Variants in FOXP1 observed in about 807,000 individuals in gnomAD.
The protein encoded by FOXP1 is forkhead box P1.
A neutral mutation model predicts 98.2 loss-of-function variants in FOXP1; 15 were observed. The observed-to-expected ratio is 0.15, with a 90% CI of 0.10 to 0.24. The LOEUF is 0.24. Ranked by LOEUF, FOXP1 falls within the 10% of genes least tolerant of loss-of-function variation. FOXP1 has a pLI of 1.00. For synonymous variants in FOXP1, 371 were observed against 314.5 expected (o/e 1.18, Z -1.90); for missense variants, 633 against 848.5 (o/e 0.75, Z 3.15).
intron 17 of FOXP1, 48 bp from the exon 18 acceptor site, chr3:70,972,724 G>A (rs946273307): frequency 6.2e-7 from 1 of 1,602,028 alleles, no homozygotes; most frequent in Non-Finnish European, 8.5e-7. Context: ...TATAAGAAAA[G>A]ACTCCAAAAA....
At chr3:71,510,801 G>C (rs1022931722) in intron 2 of FOXP1, among the ~76,000 whole-genome samples, 1 of 152,184 alleles carries the variant, frequency 6.6e-6, no homozygotes, top group Non-Finnish European at 1.5e-5. Context: ...CCCAATCTGG[G>C]CTCATAAACA....
At chr3:71,350,856 C>T (rs1479035205) in intron 4 of FOXP1, among the ~76,000 whole-genome samples, 1 of 152,166 alleles carries the variant, frequency 6.6e-6, no homozygotes, top group Non-Finnish European at 1.5e-5. Flanking sequence ...AACCAGCACT[C>T]TTTTCACCTA....
intron 9 of FOXP1, 89 bp downstream of exon 9, chr3:71,052,448 A>T (rs2050034514): frequency 2.4e-6 from 2 of 824,164 alleles, no homozygotes; most frequent in Non-Finnish European, 2.2e-6. Flanking sequence ...TCAGTTGTGC[A>T]ATCATTTAAA....
intron 7 of FOXP1, among the ~76,000 whole-genome samples, chr3:71,110,454 T>C (rs916594259): frequency 6.6e-6 from 1 of 152,124 alleles, no homozygotes; most frequent in Non-Finnish European, 1.5e-5. Flanking sequence ...GCCTGATGAA[T>C]TCAAGAGGAC....
At chr3:71,403,166 G>T (rs1159225282) in intron 3 of FOXP1, among the ~76,000 whole-genome samples, 1 of 152,194 alleles carries the variant, frequency 6.6e-6, no homozygotes, top group African/African-American at 2.4e-5. Context: ...AGTGAAGCTG[G>T]ATCTTCTCCA....
intron 17 of FOXP1, among the ~76,000 whole-genome samples, chr3:70,976,174 G>GGAGT (rs138052367): frequency 0.026 from 3,960 of 151,310 alleles, 145 homozygotes; most frequent in African/African-American, 0.089. Flanking sequence ...CTCTGCCTCT[G>GGAGT]GAGTAGCTGT....
At chr3:71,533,315 C>T (rs995414537) in intron 2 of FOXP1, among the ~76,000 whole-genome samples, 4 of 152,182 alleles carry the variant, frequency 2.6e-5, no homozygotes, top group African/African-American at 9.7e-5. Context: ...CTTTCCTCCA[C>T]CTTCTCAGCC....
chr3:71,034,072 G>C (rs1273162056), intron 11 of FOXP1, among the ~76,000 whole-genome samples: 1 of 152,140 alleles, frequency 6.6e-6, no homozygotes, highest in Admixed American at 6.5e-5. Context: ...GACATGCCCA[G>C]CACGCCCTCT....
chr3:71,380,842 A>G (rs1022404858), intron 3 of FOXP1, among the ~76,000 whole-genome samples: 24 of 151,774 alleles, frequency 1.6e-4, no homozygotes, highest in African/African-American at 5.3e-4. Flanking sequence ...TGGTTCTGCT[A>G]ACAACAATTT....
chr3:71,006,137 T>TG (rs2042778720), intron 12 of FOXP1, among the ~76,000 whole-genome samples: 1 of 152,292 alleles, frequency 6.6e-6, no homozygotes, highest in African/African-American at 2.4e-5. Context: ...GACACTTCTC[T>TG]GTTTCTCTTG....
intron 6 of FOXP1, among the ~76,000 whole-genome samples, chr3:71,146,634 A>G (rs2060321102): frequency 6.6e-6 from 1 of 152,208 alleles, no homozygotes; most frequent in African/African-American, 2.4e-5. Context: ...AACCTTCACT[A>G]TACTTTACAA....
At chr3:71,117,860 C>G (rs949613231) in intron 6 of FOXP1, among the ~76,000 whole-genome samples, 75 of 152,240 alleles carry the variant, frequency 4.9e-4, no homozygotes, top group African/African-American at 1.8e-3. Flanking sequence ...AGTAAAGACA[C>G]AGTTTGAGGA....
chr3:71,371,386 A>C (rs1183247497), intron 3 of FOXP1, among the ~76,000 whole-genome samples: 1 of 152,002 alleles, frequency 6.6e-6, no homozygotes, highest in Non-Finnish European at 1.5e-5. Flanking sequence ...AAAGAAGCCT[A>C]CTCTCAAGAA....
intron 3 of FOXP1, among the ~76,000 whole-genome samples, chr3:71,456,460 A>G (rs1179208658): frequency 6.6e-6 from 1 of 152,150 alleles, no homozygotes; most frequent in African/African-American, 2.4e-5. Flanking sequence ...TTTCATATAC[A>G]TATTGTCAAC....
At chr3:71,230,077 T>A (rs971096051) in intron 5 of FOXP1, among the ~76,000 whole-genome samples, 16 of 121,880 alleles carry the variant, frequency 1.3e-4, no homozygotes, top group Admixed American at 4.6e-4. Flanking sequence ...ACAGCAGGGC[T>A]GCAGGAAAAG....
chr3:71,013,062 C>A (rs2043895213), intron 12 of FOXP1, among the ~76,000 whole-genome samples: 1 of 152,082 alleles, frequency 6.6e-6, no homozygotes, highest in Non-Finnish European at 1.5e-5. Flanking sequence ...CAAGGTAACA[C>A]AAGTAAGGAA....
At chr3:71,361,900 G>A (rs10440088) in intron 3 of FOXP1, among the ~76,000 whole-genome samples, 5,876 of 152,226 alleles carry the variant, frequency 0.039, 189 homozygotes, top group South Asian at 0.11. Context: ...AAGAAGCACC[G>A]GAGAAAAATA....
intron 2 of FOXP1, among the ~76,000 whole-genome samples, chr3:71,568,340 G>A (rs1304155109): frequency 6.6e-6 from 1 of 152,152 alleles, no homozygotes; most frequent in East Asian, 1.9e-4. Flanking sequence ...AGGCTGCTAT[G>A]CCTGTCCCAA....
chr3:71,577,702 G>A (rs1206236461), intron 2 of FOXP1, among the ~76,000 whole-genome samples: 2 of 151,944 alleles, frequency 1.3e-5, no homozygotes, highest in Non-Finnish European at 2.9e-5. Context: ...AAAAATGCAT[G>A]GGCCCAAGTG....
Sources: gnomAD v4.1 joint callset for allele counts (sites outside exome capture counted in the v4.1 genomes callset) on GRCh38, gnomAD v4.1.1 for gene constraint, MANE v1.5 for transcripts, NCBI Gene and HGNC (gene_info 2026-07-23, HGNC 2026-07-21) for gene names.